Variants in NPAS3 observed in about 807,000 individuals in gnomAD.
The protein encoded by NPAS3 is neuronal PAS domain protein 3, also known as neuronal PAS domain-containing protein 3.
In NPAS3, 14 loss-of-function variants were observed where a neutral mutation model predicts 73.1. That is an observed-to-expected ratio of 0.19 (90% CI 0.13 to 0.30). NPAS3 has a LOEUF of 0.30. NPAS3 is among the 10% of genes least tolerant of loss of function. The probability of loss-of-function intolerance (pLI) is 1.00; values close to 1 mark genes in which losing one functional copy is unlikely to be tolerated. For missense variants in NPAS3, 1,096 were observed against 1,250.0 expected (o/e 0.88, Z 1.86); for synonymous variants, 620 against 541.5 (o/e 1.14, Z -2.01).
exon 11 of NPAS3, chr14:33,797,542 G>A (rs2063548193): frequency 1.2e-6 from 2 of 1,613,946 alleles, no homozygotes; most frequent in Admixed American, 1.7e-5. Flanking sequence ...GGAGACATCC[G>A]ACTCTGAGTC....
chr14:33,597,114 C>T (rs745425443), intron 5 of NPAS3, among the ~76,000 whole-genome samples: 1 of 152,190 alleles, frequency 6.6e-6, no homozygotes, highest in Non-Finnish European at 1.5e-5. Flanking sequence ...CTTTTGAAAG[C>T]TGACAGATTT....
At chr14:33,676,321 G>A in exon 6 of NPAS3, 1 of 1,611,868 alleles carries the variant, frequency 6.2e-7, no homozygotes, top group Non-Finnish European at 8.5e-7. Context: ...TCCTGTCACA[G>A]GGCACTGCTG....
At chr14:33,199,390 C>T (rs1213735871) in intron 2 of NPAS3, among the ~76,000 whole-genome samples, 3 of 152,160 alleles carry the variant, frequency 2.0e-5, no homozygotes, top group East Asian at 3.9e-4. Context: ...ACAAAAATTT[C>T]CTCCTGTCCC....
chr14:32,958,961 AAAG>A (rs2036794408), intron 1 of NPAS3, among the ~76,000 whole-genome samples: 1 of 151,462 alleles, frequency 6.6e-6, no homozygotes, highest in South Asian at 2.1e-4. Context: ...GGCCACATTG[AAAG>A]AAGAATTGTC....
intron 4 of NPAS3, among the ~76,000 whole-genome samples, chr14:33,382,275 A>G (rs945879582): frequency 6.6e-6 from 1 of 151,932 alleles, no homozygotes; most frequent in Non-Finnish European, 1.5e-5. Flanking sequence ...TCTTACTGAC[A>G]CCTCCCGTTA....
At chr14:33,301,263 C>A (rs2042519540) in intron 3 of NPAS3, among the ~76,000 whole-genome samples, 1 of 144,160 alleles carries the variant, frequency 6.9e-6, no homozygotes, top group African/African-American at 2.6e-5. Context: ...TCACAGTTTG[C>A]ATATCATTCA....
chr14:33,137,631 C>T (rs1380059520), intron 2 of NPAS3, among the ~76,000 whole-genome samples: 1 of 152,100 alleles, frequency 6.6e-6, no homozygotes, highest in African/African-American at 2.4e-5. Context: ...GAAATTGTAA[C>T]AATGAGCAAA....
intron 6 of NPAS3, among the ~76,000 whole-genome samples, chr14:33,705,253 C>T (rs2060625215): frequency 6.6e-6 from 1 of 152,184 alleles, no homozygotes; most frequent in African/African-American, 2.4e-5. Context: ...CTCTCTCCTT[C>T]CTTCCAGCTT....
chr14:33,238,610 A>G (rs2048117343), intron 3 of NPAS3, among the ~76,000 whole-genome samples: 1 of 152,068 alleles, frequency 6.6e-6, no homozygotes, highest in South Asian at 2.1e-4. Context: ...TTAAGAAATT[A>G]AAATGGCAAA....
intron 7 of NPAS3, among the ~76,000 whole-genome samples, chr14:33,749,812 C>T (rs2061906842): frequency 6.6e-6 from 1 of 152,140 alleles, no homozygotes; most frequent in Non-Finnish European, 1.5e-5. Flanking sequence ...CCAGAACCAA[C>T]ACACCATACC....
At chr14:33,156,641 A>G (rs1159796531) in intron 2 of NPAS3, among the ~76,000 whole-genome samples, 1 of 152,178 alleles carries the variant, frequency 6.6e-6, no homozygotes, top group African/African-American at 2.4e-5. Flanking sequence ...AGCTCTCACT[A>G]AATAGATTTC....
intron 4 of NPAS3, among the ~76,000 whole-genome samples, chr14:33,436,770 T>C (rs1401991597): frequency 6.6e-6 from 1 of 152,236 alleles, no homozygotes; most frequent in African/African-American, 2.4e-5. Context: ...CGGATACCCT[T>C]GAGGCTCTTG....
At chr14:33,505,972 T>A (rs1266405828) in intron 4 of NPAS3, among the ~76,000 whole-genome samples, 1 of 151,970 alleles carries the variant, frequency 6.6e-6, no homozygotes, top group Non-Finnish European at 1.5e-5. Flanking sequence ...AAGTACTTCC[T>A]CCAGCCCCAT....
intron 4 of NPAS3, among the ~76,000 whole-genome samples, chr14:33,542,771 C>T (rs570827654): frequency 4.6e-5 from 7 of 152,282 alleles, no homozygotes; most frequent in South Asian, 2.1e-4. Context: ...TGCCTGAGTG[C>T]GCACGCACAT....
chr14:32,990,605 A>T (rs1404334369), intron 1 of NPAS3, among the ~76,000 whole-genome samples: 1 of 152,128 alleles, frequency 6.6e-6, no homozygotes, highest in Non-Finnish European at 1.5e-5. Flanking sequence ...CCAATCAAAA[A>T]CTTGAAAACT....
At chr14:33,422,098 T>A (rs755407647) in intron 4 of NPAS3, among the ~76,000 whole-genome samples, 2 of 151,970 alleles carry the variant, frequency 1.3e-5, no homozygotes, top group Non-Finnish European at 2.9e-5. Context: ...GTGTCCTTAG[T>A]GAATTAAAGT....
intron 2 of NPAS3, among the ~76,000 whole-genome samples, chr14:33,160,662 CTG>C (rs2044838795): frequency 6.6e-6 from 1 of 150,872 alleles, no homozygotes; most frequent in Non-Finnish European, 1.5e-5. Context: ...AAAGAAAAGT[CTG>C]TGGTTCTGTC....
intron 4 of NPAS3, among the ~76,000 whole-genome samples, chr14:33,538,379 T>C (rs560876595): frequency 2.3e-4 from 35 of 152,346 alleles, no homozygotes; most frequent in African/African-American, 8.4e-4. Flanking sequence ...CCTGCTCTGT[T>C]GTGCTGTTAG....
At chr14:33,060,851 A>G (rs17457139) in intron 2 of NPAS3, among the ~76,000 whole-genome samples, 22,382 of 152,230 alleles carry the variant, frequency 0.15, 2,032 homozygotes, top group Non-Finnish European at 0.21. Context: ...TTCAGACACC[A>G]TGACAGGGCT....
Sources: allele counts gnomAD v4.1 joint callset (sites outside exome capture counted in the v4.1 genomes callset), GRCh38; gene constraint gnomAD v4.1.1; transcripts MANE v1.5; gene names NCBI Gene and HGNC (gene_info 2026-07-23, HGNC 2026-07-21).